Variants in SCOC observed in about 807,000 individuals in gnomAD.
SCOC encodes short coiled-coil protein, also known as short coiled coil protein.
A neutral mutation model predicts 9.9 loss-of-function variants in SCOC; 7 were observed. The observed-to-expected ratio is 0.71, with a 90% confidence interval of 0.40 to 1.33. SCOC has a LOEUF of 1.33. Among genes scored for constraint, SCOC ranks in the 40% most tolerant of loss-of-function variants. The pLI, the probability that SCOC is intolerant of heterozygous loss-of-function variation, is 0.01. For missense variants in SCOC, 66 were observed against 89.7 expected, an observed-to-expected ratio of 0.74 and a Z score of 1.07; for synonymous variants, 19 against 28.2, an observed-to-expected ratio of 0.67 and a Z score of 1.03.
chr4:140,267,753 T>A (rs867272378), intron 1 of SCOC, among the ~76,000 whole-genome samples: 3 of 152,246 alleles, frequency 2.0e-5, no homozygotes, highest in Middle Eastern at 3.4e-3. Flanking sequence ...CGAGGTGGTG[T>A]CAGCTTCCTG....
chr4:140,312,002 C>T (rs1732170476), intron 1 of SCOC, among the ~76,000 whole-genome samples: 1 of 152,162 alleles, frequency 6.6e-6, no homozygotes, highest in Non-Finnish European at 1.5e-5. Flanking sequence ...CATTTTAGAA[C>T]AAACACTTTT....
chr4:140,368,066 T>A (rs1035700137), intron 2 of SCOC, among the ~76,000 whole-genome samples: 1 of 152,246 alleles, frequency 6.6e-6, no homozygotes, highest in African/African-American at 2.4e-5. Flanking sequence ...GTCTCATGGT[T>A]AATTTCAAAT....
At position 140,381,555 on chromosome 4, in the gene SCOC, A is replaced by C. The variant is rs1468431374; in HGVS notation, c.*451A>C. The stretch of plus-strand genomic sequence containing the variant: ...CTATTTCCCTTCCGCTAAGGAAAAA[A>C]ATTGGTGTCACATTTGTAAAAGTAA... On this transcript the variant is annotated 3_prime_UTR_variant, in exon 4 of 4. Coordinates refer to ENST00000608372, the MANE Select transcript of SCOC (RefSeq NM_001153484.2). 1 of 152,548 alleles carries C rather than the reference A, an allele frequency of 6.6e-6. No individual in the cohort carries two copies. The highest frequency in any genetic ancestry group is 1.5e-5 in the Non-Finnish European group (1 of 68,142). The allele number at this position is 152,548 out of a possible 1,614,324, so 9.4% of individuals were successfully genotyped here.
intron 1 of SCOC, among the ~76,000 whole-genome samples, chr4:140,310,928 C>T (rs927191565): frequency 1.3e-5 from 2 of 152,202 alleles, no homozygotes; most frequent in Non-Finnish European, 2.9e-5. Context: ...GATGATGCAG[C>T]TGTTTTGCTC....
At chr4:140,319,159 TTGG>T (rs1732421421) in intron 1 of SCOC, among the ~76,000 whole-genome samples, 1 of 152,122 alleles carries the variant, frequency 6.6e-6, no homozygotes, top group African/African-American at 2.4e-5. Flanking sequence ...CCACACAACC[TTGG>T]CTCACTGCAA....
intron 1 of SCOC, among the ~76,000 whole-genome samples, chr4:140,375,869 T>A (rs960542379): frequency 3.3e-5 from 5 of 152,184 alleles, no homozygotes; most frequent in Admixed American, 1.3e-4. Context: ...TGTCCATTTC[T>A]GGGGTAAGGT....
At chr4:140,314,427 C>T (rs1342200358) in intron 1 of SCOC, 1 of 152,482 alleles carries the variant, frequency 6.6e-6, no homozygotes, top group East Asian at 1.9e-4. Context: ...CCTGTTTAGG[C>T]CAGGCCCTTA....
chr4:140,311,534 C>A (rs1042803337), intron 1 of SCOC, among the ~76,000 whole-genome samples: 1 of 152,050 alleles, frequency 6.6e-6, no homozygotes, highest in African/African-American at 2.4e-5. Context: ...GATGAGGACC[C>A]CACACCCCAT....
intron 1 of SCOC, among the ~76,000 whole-genome samples, chr4:140,301,080 AG>A (rs1731797568): frequency 6.6e-6 from 1 of 152,192 alleles, no homozygotes; most frequent in African/African-American, 2.4e-5. Context: ...TGGTCCCAGG[AG>A]AAAGGCAGTG....
chr4:140,365,412 C>T (rs1413100873), intron 2 of SCOC, among the ~76,000 whole-genome samples: 1 of 152,142 alleles, frequency 6.6e-6, no homozygotes, highest in Non-Finnish European at 1.5e-5. Flanking sequence ...ACTTCTTGGA[C>T]AAAAAGAATG....
At chr4:140,375,931 C>T (rs1308427947) in intron 1 of SCOC, among the ~76,000 whole-genome samples, 1 of 152,094 alleles carries the variant, frequency 6.6e-6, no homozygotes, top group Non-Finnish European at 1.5e-5. Flanking sequence ...TTCAGTGTTC[C>T]CACGCTTGAG....
Position 140,290,668 on chromosome 4 carries a change from C to A in SCOC, c.-19+33258C>A, listed in dbSNP as rs546480717. 1.4e-4 allele frequency among the ~76,000 whole-genome samples: 21 copies of A among 152,276 alleles called. 1 individual carries two copies. The East Asian group carries it at 3.9e-3, about 28-fold the overall frequency. ...TCTCTACTAAAAATACAAAAATTAG[C>A]CAGGCATGGTGGCGTGTGCCTGTAG... On this transcript the variant is annotated intron_variant, in intron 1 of 4. Transcript: ENST00000394205.
At chr4:140,342,964 AATCTTATTTCTTCATGT>A (rs957265339), upstream of SCOC, among the ~76,000 whole-genome samples, 1 of 151,854 alleles carries the variant, frequency 6.6e-6, no homozygotes, top group African/African-American at 2.4e-5. Flanking sequence ...CTCAATATAT[AATCTTATTTCTTCATGT>A]ATCTTATTTC....
intron 1 of SCOC, among the ~76,000 whole-genome samples, chr4:140,263,342 C>G (rs1286696666): frequency 6.6e-6 from 1 of 152,172 alleles, no homozygotes; most frequent in Non-Finnish European, 1.5e-5. Context: ...CCAACTTGCA[C>G]AGGTAAGCCA....
chr4:140,265,787 T>C (rs1261631832), intron 1 of SCOC, among the ~76,000 whole-genome samples: 4 of 152,344 alleles, frequency 2.6e-5, no homozygotes, highest in Non-Finnish European at 1.5e-5. Context: ...TGAAGTCTAG[T>C]TTCTGATTAA....
chr4:140,350,118 G>C (rs1315296359), intron 2 of SCOC, among the ~76,000 whole-genome samples: 1 of 152,116 alleles, frequency 6.6e-6, no homozygotes, highest in Non-Finnish European at 1.5e-5. Context: ...CTTTTTGTCT[G>C]GTCAATTCCT....
chr4:140,343,555 AT>A, intron 1 of SCOC: 1 of 1,008,850 alleles, frequency 9.9e-7, no homozygotes, highest in Non-Finnish European at 1.5e-6. Context: ...CTGATTAATG[AT>A]TTAACAAGGG....
chr4:140,355,234 T>G (rs1364295646), intron 2 of SCOC, among the ~76,000 whole-genome samples: 1 of 145,572 alleles, frequency 6.9e-6, no homozygotes, highest in Non-Finnish European at 1.5e-5. Flanking sequence ...TATATATATA[T>G]ATATATATAT....
rs73858115 is a variant in SCOC at position 140,257,777 on chromosome 4, G to A, written c.-19+367G>A. On this transcript the variant is annotated intron_variant, in intron 1 of 4. Transcript: ENST00000394205. ...ACTTTTAAGTGCCAGCCAGCATCAT[G>A]ATCATGACTGTTTCTATCCTCCCGT... Among the ~76,000 whole-genome samples the A allele has an allele frequency of 7.3e-3, 1,116 of 152,294 alleles. 13 individuals carry two copies. The highest frequency in any genetic ancestry group is 0.025 in the African/African-American group (1,042 of 41,552).
Sources: gnomAD v4.1 joint callset for allele counts (sites outside exome capture counted in the v4.1 genomes callset) on GRCh38, gnomAD v4.1.1 for gene constraint, MANE v1.5 for transcripts, NCBI Gene and HGNC (gene_info 2026-07-23, HGNC 2026-07-21) for gene names.